Variants in SNTG2 observed in about 807,000 individuals in gnomAD.
The protein encoded by SNTG2 is gamma-2-syntrophin.
In SNTG2, 74 loss-of-function variants were observed where a neutral mutation model predicts 70.9. That is an observed-to-expected ratio of 1.04 (90% CI 0.86 to 1.27). SNTG2 has a LOEUF of 1.27. Among genes scored for constraint, SNTG2 ranks in the 50% most tolerant of loss-of-function variants. SNTG2 has a pLI of 0.00. For missense variants in SNTG2, 717 were observed against 690.7 expected (o/e 1.04, Z -0.43); for synonymous variants, 278 against 273.8 (o/e 1.02, Z -0.15).
chr2:1,158,297 G>A (rs1033693280), intron 6 of SNTG2: 3 of 151,698 alleles, frequency 2.0e-5, no homozygotes, highest in East Asian at 3.9e-4. Context: ...ACATAGAAAA[G>A]TAGAAAATTA....
intron 4 of SNTG2, among the ~76,000 whole-genome samples, chr2:1,102,021 A>T (rs1246105706): frequency 1.3e-5 from 2 of 152,256 alleles, no homozygotes; most frequent in Non-Finnish European, 2.9e-5. Context: ...TTAATAAACA[A>T]CTTCTACAGA....
At chr2:963,308 CAG>C (rs1280224697) in intron 1 of SNTG2, among the ~76,000 whole-genome samples, 1 of 151,664 alleles carries the variant, frequency 6.6e-6, no homozygotes, top group African/African-American at 2.4e-5. Context: ...TTAAAGTAGA[CAG>C]AAAAAATGTG....
At chr2:1,136,463 T>C (rs1164212098) in intron 4 of SNTG2, among the ~76,000 whole-genome samples, 2 of 152,038 alleles carry the variant, frequency 1.3e-5, no homozygotes, top group African/African-American at 4.8e-5. Context: ...ATGAGAACTT[T>C]GTTTGGATCG....
At chr2:1,359,992 G>A (rs1476510763) in intron 16 of SNTG2, among the ~76,000 whole-genome samples, 1 of 151,866 alleles carries the variant, frequency 6.6e-6, no homozygotes, top group Non-Finnish European at 1.5e-5. Flanking sequence ...ACCAAAAATG[G>A]TTATTTATCT....
intron 15 of SNTG2, among the ~76,000 whole-genome samples, chr2:1,315,337 C>T (rs1681224622): frequency 6.6e-6 from 1 of 152,188 alleles, no homozygotes; most frequent in Admixed American, 6.5e-5. Flanking sequence ...ATAAACCCGT[C>T]AATGGTCAGA....
At chr2:1,325,865 A>T (rs1276902927) in intron 16 of SNTG2, among the ~76,000 whole-genome samples, 1 of 151,380 alleles carries the variant, frequency 6.6e-6, no homozygotes. Flanking sequence ...ATGGAGTCTC[A>T]CTCTGTCACC....
intron 9 of SNTG2, among the ~76,000 whole-genome samples, chr2:1,226,197 G>A (rs927751936): frequency 2.6e-5 from 4 of 152,162 alleles, no homozygotes; most frequent in Non-Finnish European, 5.9e-5. Flanking sequence ...TGTCAATTTA[G>A]AGGAAACCTA....
chr2:1,166,118 C>T (rs1464551804), intron 7 of SNTG2, among the ~76,000 whole-genome samples: 1 of 152,194 alleles, frequency 6.6e-6, no homozygotes, highest in Admixed American at 6.5e-5. Flanking sequence ...AACCCTAAAT[C>T]TAGAAAAATG....
intron 1 of SNTG2, among the ~76,000 whole-genome samples, chr2:1,020,561 A>T (rs1660106559): frequency 1.6e-5 from 2 of 126,940 alleles, no homozygotes; most frequent in Non-Finnish European, 3.3e-5. Context: ...CCAAATTTGT[A>T]GGAATTTTTT....
chr2:1,196,723 AC>A lies in SNTG2; in HGVS notation c.592-12379del, dbSNP rs1672931471. Among the ~76,000 whole-genome samples, 4 of 152,166 alleles carry A rather than the reference AC, an allele frequency of 2.6e-5. No homozygotes were observed. In the South Asian group the frequency reaches 8.3e-4, roughly 31 times the overall value. On this transcript the variant is annotated intron_variant, in intron 8 of 16. Transcript: ENST00000308624. ...ACAGGCTGGGAGAAAATGAGATGAT[AC>A]ATTCAAAGTACTAAAAGAAAAAAAA...
At chr2:969,461 C>A (rs780645466) in intron 1 of SNTG2, among the ~76,000 whole-genome samples, 1 of 152,038 alleles carries the variant, frequency 6.6e-6, no homozygotes, top group Non-Finnish European at 1.5e-5. Context: ...TTGGACAGTA[C>A]ATTTTAACAC....
intron 1 of SNTG2, among the ~76,000 whole-genome samples, chr2:1,055,816 T>C (rs1464348428): frequency 6.6e-6 from 1 of 152,174 alleles, no homozygotes; most frequent in Non-Finnish European, 1.5e-5. Flanking sequence ...GAATTGTATT[T>C]TCCATTCAGT....
intron 1 of SNTG2, among the ~76,000 whole-genome samples, chr2:1,011,458 A>G (rs1572218902): frequency 1.3e-5 from 2 of 152,250 alleles, no homozygotes; most frequent in Non-Finnish European, 2.9e-5. Flanking sequence ...ATGTGGAGAC[A>G]AGTTTCAGAA....
At chr2:1,301,828 A>G (rs1288402110) in intron 14 of SNTG2, among the ~76,000 whole-genome samples, 1 of 152,220 alleles carries the variant, frequency 6.6e-6, no homozygotes, top group East Asian at 1.9e-4. Flanking sequence ...CTATCCAGAA[A>G]GAATAAAGGA....
chr2:1,036,931 A>C (rs1233995933), intron 1 of SNTG2, among the ~76,000 whole-genome samples: 1 of 152,136 alleles, frequency 6.6e-6, no homozygotes, highest in Non-Finnish European at 1.5e-5. Flanking sequence ...CATGTGAGAG[A>C]CTCAGGAGCC....
chr2:957,868 T>C (rs1174447488), intron 1 of SNTG2, among the ~76,000 whole-genome samples: 2 of 152,188 alleles, frequency 1.3e-5, no homozygotes, highest in Non-Finnish European at 2.9e-5. Flanking sequence ...AGAAGATAAA[T>C]GTGCATTGTT....
At chr2:1,148,944 T>C (rs1225885546) in intron 6 of SNTG2, among the ~76,000 whole-genome samples, 6 of 152,118 alleles carry the variant, frequency 3.9e-5, no homozygotes. Flanking sequence ...TCTCGAGGTT[T>C]CACAGCTGCT....
At chr2:1,014,803 A>G (rs1572222841) in intron 1 of SNTG2, among the ~76,000 whole-genome samples, 1 of 151,852 alleles carries the variant, frequency 6.6e-6, no homozygotes, top group African/African-American at 2.4e-5. Flanking sequence ...CTGGAGAAGG[A>G]TTTATAAGGG....
rs568186690 is a variant in SNTG2 at position 1,146,752 on chromosome 2, C to T, written c.411+8943C>T. Among the ~76,000 whole-genome samples the T allele has an allele frequency of 2.4e-4, 37 of 152,326 alleles. 1 individual carries two copies. The highest frequency in any genetic ancestry group is 1.2e-3 in the Admixed American group (18 of 15,308). On this transcript the variant is annotated intron_variant, in intron 6 of 16. Transcript: ENST00000308624. ...AATAGAACCACATAAATATAGTCAA[C>T]TTCTCTTTCACAGAAGAGCAAAAAC...
Sources: gnomAD v4.1 joint callset for allele counts (sites outside exome capture counted in the v4.1 genomes callset) on GRCh38, gnomAD v4.1.1 for gene constraint, MANE v1.5 for transcripts, NCBI Gene and HGNC (gene_info 2026-07-23, HGNC 2026-07-21) for gene names.